Variants in RPSA2 observed in about 807,000 individuals in gnomAD.
RPSA2 encodes the protein small ribosomal subunit protein uS2B.
the RPSA2 span, among the ~76,000 whole-genome samples, chr19:23,839,382 G>T: frequency 6.6e-6 from 1 of 152,004 alleles, no homozygotes; most frequent in Non-Finnish European, 1.5e-5. Flanking sequence ...TGTCAGGGAC[G>T]TGGGGGAAAG....
chr19:23,787,513 G>T, the RPSA2 span, among the ~76,000 whole-genome samples: 1 of 152,162 alleles, frequency 6.6e-6, no homozygotes, highest in Non-Finnish European at 1.5e-5. Context: ...AGAGGCTGAG[G>T]CAGGAGAATT....
At chr19:23,823,639 T>C in the RPSA2 span, 9 of 152,324 alleles carry the variant, frequency 5.9e-5, no homozygotes, top group African/African-American at 2.2e-4. Flanking sequence ...TGCAAACCAT[T>C]CTTGCATCCT....
the RPSA2 span, among the ~76,000 whole-genome samples, chr19:23,841,081 A>T: frequency 2.0e-5 from 3 of 152,038 alleles, no homozygotes; most frequent in Non-Finnish European, 4.4e-5. Context: ...TTTGGCCAGT[A>T]ATCTCACAGA....
At chr19:23,789,019 C>CTTTTTTTTTTTTTTTTTTTTTTTTTTT in the RPSA2 span, among the ~76,000 whole-genome samples, 90 of 112,602 alleles carry the variant, frequency 8.0e-4, 5 homozygotes, top group East Asian at 1.8e-3. Context: ...TTTTTTCTTT[C>CTTTTTTTTTTTTTTTTTTTTTTTTTTT]TTTCTTTTTT....
At chr19:23,835,030 A>G in the RPSA2 span, among the ~76,000 whole-genome samples, 16 of 152,142 alleles carry the variant, frequency 1.1e-4, no homozygotes, top group Non-Finnish European at 2.1e-4. Flanking sequence ...TGAGATGTCC[A>G]TTACCTCTAG....
chr19:23,758,607 G>A, the RPSA2 span: 2 of 1,268,454 alleles, frequency 1.6e-6, no homozygotes, highest in African/African-American at 1.5e-5. Context: ...CAGCGCAGCC[G>A]CCATCTTATG....
At chr19:23,798,586 A>C in the RPSA2 span, among the ~76,000 whole-genome samples, 1 of 152,148 alleles carries the variant, frequency 6.6e-6, no homozygotes, top group Non-Finnish European at 1.5e-5. Flanking sequence ...TTTCAATTGA[A>C]ATACAGTTAC....
At chr19:23,851,336 C>T in the RPSA2 span, among the ~76,000 whole-genome samples, 1 of 152,156 alleles carries the variant, frequency 6.6e-6, no homozygotes, top group Non-Finnish European at 1.5e-5. Context: ...ATCTTTTAAT[C>T]CAGCAGCATT....
the RPSA2 span, among the ~76,000 whole-genome samples, chr19:23,765,892 T>A: frequency 6.6e-6 from 1 of 152,324 alleles, no homozygotes; most frequent in East Asian, 1.9e-4. Context: ...GGGTTCAACA[T>A]ACCTGCCGTG....
At chr19:23,862,155 C>G in the RPSA2 span, among the ~76,000 whole-genome samples, 1 of 152,120 alleles carries the variant, frequency 6.6e-6, no homozygotes, top group African/African-American at 2.4e-5. Context: ...AATGGGAGTT[C>G]ACTCGTGATT....
At chr19:23,855,694 G>A in the RPSA2 span, among the ~76,000 whole-genome samples, 4 of 152,172 alleles carry the variant, frequency 2.6e-5, no homozygotes, top group Non-Finnish European at 5.9e-5. Context: ...AGCAGAAGAG[G>A]CAGAAGCATA....
the RPSA2 span, among the ~76,000 whole-genome samples, chr19:23,859,393 C>G: frequency 6.6e-6 from 1 of 152,128 alleles, no homozygotes; most frequent in African/African-American, 2.4e-5. Flanking sequence ...GTTTGGGAGG[C>G]TGTGGTGGGC....
At chr19:23,816,193 G>A in the RPSA2 span, among the ~76,000 whole-genome samples, 3 of 152,096 alleles carry the variant, frequency 2.0e-5, no homozygotes, top group South Asian at 4.1e-4. Context: ...AGTTTGCAGT[G>A]TTGTGATCAT....
chr19:23,766,675 T>C, the RPSA2 span, among the ~76,000 whole-genome samples: 13 of 151,766 alleles, frequency 8.6e-5, no homozygotes, highest in South Asian at 2.1e-4. Context: ...AGGATGGTCT[T>C]GATCTCCTGA....
chr19:23,771,489 CTCATACCTCCACCT>C, the RPSA2 span, among the ~76,000 whole-genome samples: 1 of 152,180 alleles, frequency 6.6e-6, no homozygotes, highest in Non-Finnish European at 1.5e-5. Flanking sequence ...AATTGTTAAT[CTCATACCTCCACCT>C]TCATCCAGAT....
chr19:23,869,127 G>T, the RPSA2 span, among the ~76,000 whole-genome samples: 1 of 152,142 alleles, frequency 6.6e-6, no homozygotes, highest in Admixed American at 6.5e-5. Flanking sequence ...CTGTACTTTG[G>T]AGTGACACTC....
chr19:23,865,226 T>C, the RPSA2 span, among the ~76,000 whole-genome samples: 149 of 152,324 alleles, frequency 9.8e-4, no homozygotes, highest in African/African-American at 3.2e-3. Flanking sequence ...TGAATGACGG[T>C]ACCATGGGGC....
At chr19:23,765,686 C>T in the RPSA2 span, among the ~76,000 whole-genome samples, 148,978 of 152,284 alleles carry the variant, frequency 0.98, 72,964 homozygotes, top group Middle Eastern at 1. Flanking sequence ...GGCTTAATAC[C>T]TGGGCGATGA....
chr19:23,762,069 C>A, the RPSA2 span, among the ~76,000 whole-genome samples: 56 of 151,358 alleles, frequency 3.7e-4, no homozygotes, highest in African/African-American at 1.3e-3. Flanking sequence ...AGGCGTGCGC[C>A]ACCACGCCCG....
Sources: gnomAD v4.1 joint callset for allele counts (sites outside exome capture counted in the v4.1 genomes callset) on GRCh38, gnomAD v4.1.1 for gene constraint, MANE v1.5 for transcripts, NCBI Gene and HGNC (gene_info 2026-07-23, HGNC 2026-07-21) for gene names.